FHDC1: variants seen among roughly 807,000 people sequenced by gnomAD.
FHDC1 encodes FH2 domain containing 1, also known as FH2 domain-containing protein 1.
FHDC1 carries 25 observed loss-of-function variants against 52.6 expected under a neutral mutation model. The observed-to-expected ratio is 0.48, with a 90% CI of 0.35 to 0.66. FHDC1 has a LOEUF of 0.66. Ranked by LOEUF, FHDC1 falls within the 30% of genes least tolerant of loss-of-function variation. The probability of loss-of-function intolerance (pLI) is 0.01; values close to 1 mark genes in which losing one functional copy is unlikely to be tolerated. For missense variants in FHDC1, 1,459 were observed against 1,452.8 expected (o/e 1.00, Z -0.07); for synonymous variants, 616 against 581.5 (o/e 1.06, Z -0.85).
chr4:152,958,945 T>G lies in FHDC1; in HGVS notation c.664-1620T>G, dbSNP rs373491065. The stretch of plus-strand genomic sequence containing the variant: ...TAGTCTTAAGAGTCAGACTTAATAC[T>G]AGGGTGTGAACTCGAAGTGTTACAT... On this transcript the variant is annotated intron_variant, in intron 4 of 11. Transcript: ENST00000511601. 1.6e-3 allele frequency among the ~76,000 whole-genome samples: 244 copies of G among 152,370 alleles called. 10 individuals are homozygous for G. In the South Asian group the frequency reaches 0.048, roughly 30 times the overall value.
In FHDC1 at chr4:152,975,681, A is replaced by T. The variant is rs958733158; in HGVS notation, c.2390A>T (p.Asp797Val). 1.2e-6 allele frequency: 2 copies of T among 1,612,130 alleles called. No individual in the cohort carries two copies. Among genetic ancestry groups the T allele is most frequent in the Non-Finnish European group, 1.7e-6 (2 of 1,179,060 alleles). The change falls in exon 12 of 12, where the codon GAC (aspartate) becomes GTC (valine). Residue 797 changes from aspartate to valine, a missense_variant. Transcript: ENST00000511601. Reference sequence around the variant, plus strand: ...ACCGACTCCAGACCCAGAGGCGGGGACCCGGAGGAAGGCGGGGAAGGGGAT... The same window carrying T: ...ACCGACTCCAGACCCAGAGGCGGGGTCCCGGAGGAAGGCGGGGAAGGGGAT... ...EGTDSRPRGG[D>V]PEEGGEGDGS...
upstream of FHDC1, among the ~76,000 whole-genome samples, chr4:152,934,787 T>C (rs1181194249): frequency 6.6e-6 from 1 of 152,194 alleles, no homozygotes; most frequent in Non-Finnish European, 1.5e-5. Context: ...GTCACCAGAC[T>C]TGACTTCTCA....
chr4:152,956,763 T>A (rs958271850), intron 4 of FHDC1, among the ~76,000 whole-genome samples: 3 of 152,200 alleles, frequency 2.0e-5, no homozygotes, highest in African/African-American at 7.2e-5. Context: ...TGCGGGGTCA[T>A]CCTCAGTCTG....
chr4:152,971,705 T>C (rs1188644820), intron 10 of FHDC1, among the ~76,000 whole-genome samples: 2 of 152,198 alleles, frequency 1.3e-5, no homozygotes, highest in Non-Finnish European at 2.9e-5. Flanking sequence ...TTGGGACCCA[T>C]CAGAATCTCC....
chr4:152,962,631 C>T (rs552511448), intron 6 of FHDC1, among the ~76,000 whole-genome samples, 183 bp from the exon 7 acceptor site: 28 of 152,252 alleles, frequency 1.8e-4, no homozygotes, highest in African/African-American at 6.3e-4. Context: ...CACGGATTGC[C>T]GGTAGCAAAT....
chr4:152,957,872 C>G (rs1740148629), intron 4 of FHDC1, among the ~76,000 whole-genome samples: 1 of 152,132 alleles, frequency 6.6e-6, no homozygotes, highest in Non-Finnish European at 1.5e-5. Flanking sequence ...AGAAATGAAA[C>G]TCTGGGAGTG....
At position 152,967,961 on chromosome 4, in the gene FHDC1, C is replaced by G. The variant is rs1467451502; in HGVS notation, c.1101-19C>G. 1.9e-6 allele frequency: 3 copies of G among 1,592,758 alleles called. No individual in the cohort carries two copies. In the South Asian group the frequency reaches 3.4e-5, roughly 18 times the overall value. ...GGCTTCCTTGTTCCAACTGCCCACT[C>G]TCCCCTTTCTTCTTTTAGATTATCT... On this transcript the variant is annotated intron_variant, in intron 9 of 11. Transcript: ENST00000511601.
intron 2 of FHDC1, among the ~76,000 whole-genome samples, chr4:152,947,845 T>C (rs1005192124): frequency 2.7e-4 from 41 of 151,310 alleles, no homozygotes; most frequent in Admixed American, 5.9e-4. Context: ...AAGGGAAGGA[T>C]GGAAGGAAGA....
chr4:152,973,590 C>CCCA (rs1360504556), intron 11 of FHDC1, among the ~76,000 whole-genome samples: 1 of 152,172 alleles, frequency 6.6e-6, no homozygotes, highest in Non-Finnish European at 1.5e-5. Flanking sequence ...AGGCACCGGC[C>CCCA]CCACCACCAC....
intron 1 of FHDC1, among the ~76,000 whole-genome samples, chr4:152,937,149 C>CT: frequency 6.6e-6 from 1 of 152,328 alleles, no homozygotes; most frequent in Admixed American, 6.5e-5. Flanking sequence ...AGTCTCCCCT[C>CT]TGTTTTTCTC....
chr4:152,931,452 TAA>T (rs1265409927), upstream of FHDC1, among the ~76,000 whole-genome samples: 30 of 116,574 alleles, frequency 2.6e-4, no homozygotes, highest in African/African-American at 1.1e-3. Flanking sequence ...CTCCAGCCTC[TAA>T]AACACACACA....
In FHDC1 at chr4:152,963,117, A is replaced by G; in HGVS notation, c.1016A>G (p.His339Arg). ...KANKPGMNLL[H>R]FVAQEAQKKD... ...AACAAACCTGGGATGAATCTCCTGC[A>G]CTTTGTTGCACAGGTATGTGGAAAT... is the stretch of plus-strand genomic sequence containing the variant. Residue 339 changes from histidine (H) to arginine (R), a missense_variant, in exon 8 of 12, where the codon CAC (histidine) becomes CGC (arginine). Around this residue, in one of 3 missense-constraint regions of FHDC1, gnomAD observed 513 missense variants for 581.5 expected, o/e 0.88. Coordinates refer to ENST00000511601, the MANE Select transcript of FHDC1 (RefSeq NM_001371116.1). 1 of 1,613,936 alleles carries G rather than the reference A, an allele frequency of 6.2e-7. No homozygotes were observed. Among genetic ancestry groups the G allele is most frequent in the Non-Finnish European group, 8.5e-7 (1 of 1,179,942 alleles).
In FHDC1 at chr4:152,962,839, T is replaced by A. The variant is rs1480517074; in HGVS notation, c.876T>A (p.His292Gln). The A allele has an allele frequency of 5.6e-6, 9 of 1,614,038 alleles. No individual in the cohort carries two copies. The highest frequency in any genetic ancestry group is 7.6e-6 in the Non-Finnish European group (9 of 1,180,028). Residue 292 changes from histidine (H) to glutamine (Q), a missense_variant, in exon 7 of 12, where the codon CAT becomes CAA. By Grantham distance (24) the His-to-Gln change is conservative (BLOSUM62 0). Around this residue, in one of 3 missense-constraint regions of FHDC1, gnomAD observed 513 missense variants for 581.5 expected, o/e 0.88. Transcript: ENST00000511601. Reference protein sequence around the residue: ...IKELMSCEELHSILHLVLQAG... With the variant: ...IKELMSCEELQSILHLVLQAG... ...AACTGATGTCATGTGAAGAGCTACATTCAATATTACACTTGGTGCTCCAGG... is the reference window on the plus strand; with the variant it reads ...AACTGATGTCATGTGAAGAGCTACAATCAATATTACACTTGGTGCTCCAGG...
At chr4:152,926,629 G>C in the FHDC1 span, among the ~76,000 whole-genome samples, 1 of 149,592 alleles carries the variant, frequency 6.7e-6, no homozygotes. Flanking sequence ...AGCCCTTTAG[G>C]TAATCTAAAT....
chr4:152,943,697 G>A (rs1465483694), intron 2 of FHDC1, 142 bp downstream of exon 2: 3 of 1,015,792 alleles, frequency 3.0e-6, no homozygotes, highest in African/African-American at 3.2e-5. Flanking sequence ...TGCTAGGCAG[G>A]GTCTTTACGA....
the FHDC1 span, among the ~76,000 whole-genome samples, chr4:152,917,903 A>G: frequency 2.6e-5 from 4 of 152,192 alleles, no homozygotes; most frequent in Non-Finnish European, 4.4e-5. Flanking sequence ...TTTTTCTCCA[A>G]TGAAGCCAGC....
At chr4:152,954,380 T>A in intron 4 of FHDC1, 61 bp downstream of exon 4, 1 of 1,418,976 alleles carries the variant, frequency 7.0e-7, no homozygotes, top group Non-Finnish European at 9.9e-7. Flanking sequence ...TTAATATTTT[T>A]AAGTGTGTCA....
At chr4:152,971,815 C>A (rs1740647309) in intron 10 of FHDC1, among the ~76,000 whole-genome samples, 2 of 152,200 alleles carry the variant, frequency 1.3e-5, no homozygotes, top group African/African-American at 4.8e-5. Flanking sequence ...AGCTTCCCAG[C>A]TGACTTGGAT....
chr4:152,944,031 A>G (rs1330101543), intron 2 of FHDC1, among the ~76,000 whole-genome samples: 4 of 152,170 alleles, frequency 2.6e-5, no homozygotes, highest in African/African-American at 9.7e-5. Context: ...TCTAGTTTTT[A>G]TATAACAAGT....
Sources: allele counts gnomAD v4.1 joint callset (sites outside exome capture counted in the v4.1 genomes callset), GRCh38; gene constraint gnomAD v4.1.1; regional missense constraint gnomAD v4.1.1; transcripts MANE v1.5; gene names NCBI Gene and HGNC (gene_info 2026-07-23, HGNC 2026-07-21).